OXSR1: variants seen among roughly 807,000 people sequenced by gnomAD.
OXSR1 encodes the protein serine/threonine-protein kinase OSR1.
In OXSR1, 24 loss-of-function variants were observed where a neutral mutation model predicts 79.8. The observed-to-expected ratio is 0.30, with a 90% confidence interval of 0.22 to 0.42. OXSR1 has a LOEUF of 0.42. Among genes scored for constraint, OXSR1 ranks in the 10% least tolerant of loss-of-function variants. The pLI is 1.00. For missense variants in OXSR1, 430 were observed against 618.4 expected, an observed-to-expected ratio of 0.70 and a Z score of 3.23; for synonymous variants, 226 against 209.2, an observed-to-expected ratio of 1.08 and a Z score of -0.69.
At chr3:38,238,684 T>C (rs1702967202) in intron 11 of OXSR1, among the ~76,000 whole-genome samples, 1 of 152,104 alleles carries the variant, frequency 6.6e-6, no homozygotes, top group African/African-American at 2.4e-5. Flanking sequence ...GACATTCTTA[T>C]TCTTGTTCCT....
chr3:38,234,537 CAAAG>C (rs1239792622), intron 10 of OXSR1, among the ~76,000 whole-genome samples: 1 of 152,144 alleles, frequency 6.6e-6, no homozygotes, highest in Non-Finnish European at 1.5e-5. Flanking sequence ...ATCAAAATAA[CAAAG>C]AGATACCACT....
chr3:38,218,597 T>C (rs1702530434), intron 5 of OXSR1, among the ~76,000 whole-genome samples: 2 of 152,200 alleles, frequency 1.3e-5, no homozygotes, highest in East Asian at 1.9e-4. Context: ...GATGTATGAT[T>C]TGCAAAATAT....
At chr3:38,190,078 G>C (rs967324410) in intron 2 of OXSR1, among the ~76,000 whole-genome samples, 1 of 152,164 alleles carries the variant, frequency 6.6e-6, no homozygotes, top group Admixed American at 6.5e-5. Context: ...AAGTGTATTT[G>C]AGGCTGAGGC....
chr3:38,180,296 A>G (rs1701758449), intron 1 of OXSR1, among the ~76,000 whole-genome samples: 1 of 152,146 alleles, frequency 6.6e-6, no homozygotes, highest in African/African-American at 2.4e-5. Context: ...TTCATGGGTC[A>G]ACTGTACTCA....
At chr3:38,246,961 A>AT (rs11428789) in intron 13 of OXSR1, among the ~76,000 whole-genome samples, 10,283 of 145,822 alleles carry the variant, frequency 0.071, 359 homozygotes, top group Middle Eastern at 0.15. Context: ...TAAAGGTCTG[A>AT]TTTTTTTTTT....
At chr3:38,209,722 C>A (rs1339719107) in intron 4 of OXSR1, among the ~76,000 whole-genome samples, 3 of 151,228 alleles carry the variant, frequency 2.0e-5, no homozygotes, top group Non-Finnish European at 4.4e-5. Flanking sequence ...GTAAGTTCTG[C>A]CTCCTGGGTT....
chr3:38,190,757 C>T lies in OXSR1; in HGVS notation c.210C>T (p.Cys70=). 1 of 1,597,758 alleles carries T rather than the reference C, an allele frequency of 6.3e-7. No individual in the cohort carries two copies. The highest frequency in any genetic ancestry group is 8.6e-7 in the Non-Finnish European group (1 of 1,165,426). ...AAGAAATTCAAGCCATGAGTCAATG[C>T]CATCATCCTAATATTGTATCTTACT... The part of the protein sequence containing the change: ...LLKEIQAMSQ[C]HHPNIVSYYT... The change falls in exon 3 of 18, where the codon TGC becomes TGT. Residue 70 remains cysteine (C), a synonymous_variant. Coordinates refer to ENST00000311806, the MANE Select transcript of OXSR1 (RefSeq NM_005109.3).
chr3:38,177,723 T>G (rs1701700864), intron 1 of OXSR1, among the ~76,000 whole-genome samples: 1 of 152,012 alleles, frequency 6.6e-6, no homozygotes, highest in African/African-American at 2.4e-5. Context: ...TAGCTGGGAC[T>G]ACAGGTGTGC....
In OXSR1 at chr3:38,253,057, A is replaced by T; in HGVS notation, c.*166A>T. 1 of 607,834 alleles carries T rather than the reference A, an allele frequency of 1.6e-6. No homozygotes were observed. Among genetic ancestry groups the T allele is most frequent in the Non-Finnish European group, 2.9e-6 (1 of 343,532 alleles). The allele number at this position is 607,834 out of a possible 1,614,324, so 37.7% of individuals were successfully genotyped here. A position where few individuals can be genotyped will look rare whatever the true frequency, so the allele number is the denominator to read the frequency against. On this transcript the variant is annotated 3_prime_UTR_variant, in exon 18 of 18. Coordinates refer to ENST00000311806, the MANE Select transcript of OXSR1 (RefSeq NM_005109.3). ...CTGCCATCATTCCTCCTTTTCCCACAGGGAAAGAAAAGTTGGATCACTAGT... is the reference window on the plus strand; with the variant it reads ...CTGCCATCATTCCTCCTTTTCCCACTGGGAAAGAAAAGTTGGATCACTAGT...
intron 1 of OXSR1, among the ~76,000 whole-genome samples, chr3:38,169,225 G>A (rs1249960543): frequency 6.6e-6 from 1 of 151,782 alleles, no homozygotes; most frequent in African/African-American, 2.4e-5. Context: ...TTATTTATTA[G>A]ACTTTCATGG....
chr3:38,230,545 T>A lies in OXSR1; in HGVS notation c.951+115T>A. The A allele has an allele frequency of 4.1e-6, 3 of 726,650 alleles. No homozygotes were observed. The South Asian group carries it at 4.8e-5, about 12-fold the overall frequency. 45.0% of individuals were successfully genotyped at this position (726,650 alleles called of 1,614,324 possible). On this transcript the variant is annotated intron_variant, in intron 10 of 17. Coordinates refer to ENST00000311806, the MANE Select transcript of OXSR1 (RefSeq NM_005109.3). ...ATGAGAATTACTGGTTTTCTGTCGA[T>A]CCTTTCTAAAGCATTCTTTGATACA...
intron 4 of OXSR1, among the ~76,000 whole-genome samples, chr3:38,214,527 A>G (rs1702447393): frequency 1.3e-5 from 2 of 152,196 alleles, no homozygotes; most frequent in African/African-American, 4.8e-5. Context: ...AGGTGAGCTC[A>G]GAAAAGGGAG....
chr3:38,182,675 C>T (rs1701810672), intron 1 of OXSR1, among the ~76,000 whole-genome samples: 1 of 152,054 alleles, frequency 6.6e-6, no homozygotes. Context: ...CTTTCAGAGC[C>T]CTCTTATGAT....
At chr3:38,174,120 G>A (rs1310440908) in intron 1 of OXSR1, among the ~76,000 whole-genome samples, 5 of 152,216 alleles carry the variant, frequency 3.3e-5, no homozygotes, top group African/African-American at 1.2e-4. Flanking sequence ...AAATCAGAAG[G>A]TGAAGAGACA....
At chr3:38,239,617 C>G (rs966038496) in intron 11 of OXSR1, among the ~76,000 whole-genome samples, 1 of 152,190 alleles carries the variant, frequency 6.6e-6, no homozygotes, top group Non-Finnish European at 1.5e-5. Flanking sequence ...ACTCTTACCT[C>G]TCATCGTTTT....
intron 3 of OXSR1, among the ~76,000 whole-genome samples, chr3:38,194,508 A>T (rs1702038905): frequency 6.6e-6 from 1 of 152,208 alleles, no homozygotes. Flanking sequence ...ACTACAGTCT[A>T]GCCTGGGTGA....
upstream of OXSR1, among the ~76,000 whole-genome samples, chr3:38,164,501 GT>G (rs2125793052): frequency 6.6e-6 from 1 of 152,292 alleles, no homozygotes; most frequent in Admixed American, 6.5e-5. Flanking sequence ...ACCTAGAACA[GT>G]TTCGCACCTA....
At chr3:38,222,172 T>C (rs2125836325) in intron 6 of OXSR1, among the ~76,000 whole-genome samples, 1 of 152,312 alleles carries the variant, frequency 6.6e-6, no homozygotes, top group Admixed American at 6.5e-5. Context: ...TGGGAATGGC[T>C]GAACATACAA....
At chr3:38,187,294 C>T (rs1701903099) in intron 2 of OXSR1, among the ~76,000 whole-genome samples, 1 of 151,990 alleles carries the variant, frequency 6.6e-6, no homozygotes, top group Non-Finnish European at 1.5e-5. Context: ...TATTTCATGA[C>T]CCACATAGAT....
Sources: allele counts gnomAD v4.1 joint callset (sites outside exome capture counted in the v4.1 genomes callset), GRCh38; gene constraint gnomAD v4.1.1; transcripts MANE v1.5; gene names NCBI Gene and HGNC (gene_info 2026-07-23, HGNC 2026-07-21).